Variants in DBF4 observed in about 807,000 individuals in gnomAD.
DBF4 encodes DBF4-CDC7 kinase regulatory subunit.
In DBF4, 25 loss-of-function variants were observed where a neutral mutation model predicts 76.6. The observed-to-expected ratio is 0.33, with a 90% CI of 0.24 to 0.46. DBF4 has a LOEUF of 0.46. Among genes scored for constraint, DBF4 ranks in the 20% least tolerant of loss-of-function variants. The probability of loss-of-function intolerance (pLI) is 1.00; values close to 1 mark genes in which losing one functional copy is unlikely to be tolerated. For missense variants in DBF4, 638 were observed against 760.8 expected (o/e 0.84, Z 1.90); for synonymous variants, 213 against 258.0 (o/e 0.83, Z 1.67).
intron 1 of DBF4, among the ~76,000 whole-genome samples, chr7:87,877,425 A>C (rs957964252): frequency 1.3e-5 from 2 of 152,192 alleles, no homozygotes; most frequent in African/African-American, 4.8e-5. Flanking sequence ...TTAAGAACAG[A>C]TTGCGTTTGA....
intron 9 of DBF4, among the ~76,000 whole-genome samples, 168 bp downstream of exon 9, chr7:87,900,517 G>A (rs992536901): frequency 6.6e-6 from 1 of 151,074 alleles, no homozygotes; most frequent in African/African-American, 2.4e-5. Context: ...GGTGGGGAGG[G>A]CCTTAAAATA....
At chr7:87,906,302 C>T (rs1839912912) in intron 11 of DBF4, among the ~76,000 whole-genome samples, 1 of 150,080 alleles carries the variant, frequency 6.7e-6, no homozygotes, top group Admixed American at 6.7e-5. Context: ...ACATCTTGGA[C>T]TTAAAAGCCA....
chr7:87,884,173 A>G lies in DBF4; in HGVS notation c.220-806A>G, dbSNP rs188390507. ...TTGATTTAGACTTGTATTGTCTGCT[A>G]TGGTAACCATTAGTGATATGTGGCT... On this transcript the variant is annotated intron_variant, in intron 2 of 11. Coordinates refer to ENST00000265728, the MANE Select transcript of DBF4 (RefSeq NM_006716.4). Among the ~76,000 whole-genome samples, 17 of 152,306 alleles carry G rather than the reference A, an allele frequency of 1.1e-4. No individual in the cohort carries two copies. The East Asian group carries it at 1.9e-3, about 17-fold the overall frequency.
At chr7:87,901,608 T>C (rs1214573487) in intron 10 of DBF4, among the ~76,000 whole-genome samples, 1 of 152,082 alleles carries the variant, frequency 6.6e-6, no homozygotes, top group Non-Finnish European at 1.5e-5. Context: ...TAAAGACCAT[T>C]GAGGTAGCAG....
intron 3 of DBF4, 51 bp downstream of exon 3, chr7:87,885,209 TCTC>T: frequency 2.1e-6 from 3 of 1,456,748 alleles, no homozygotes; most frequent in Middle Eastern, 1.8e-4. Context: ...ATCCTGAAGA[TCTC>T]CTGGTTTTTA....
At chr7:87,907,070 A>G (rs1347832226) in intron 11 of DBF4, 118 bp from the exon 12 acceptor site, 2 of 1,087,706 alleles carry the variant, frequency 1.8e-6, no homozygotes, top group African/African-American at 1.6e-5. Flanking sequence ...AAAATTTCCT[A>G]AGTTAAATAG....
chr7:87,895,210 A>G (rs558036864), intron 6 of DBF4, among the ~76,000 whole-genome samples: 4 of 152,102 alleles, frequency 2.6e-5, no homozygotes, highest in Admixed American at 1.3e-4. Context: ...TTTCAGTCCT[A>G]TTATTTTTGT....
intron 6 of DBF4, among the ~76,000 whole-genome samples, chr7:87,892,400 A>G (rs1051765437): frequency 1.3e-5 from 2 of 152,142 alleles, no homozygotes; most frequent in African/African-American, 4.8e-5. Flanking sequence ...AGGTTCCTCC[A>G]TGTCTTTTCA....
chr7:87,887,014 ATATATTT>A (rs1839372337), intron 4 of DBF4, 120 bp downstream of exon 4: 3 of 691,132 alleles, frequency 4.3e-6, no homozygotes, highest in Non-Finnish European at 7.2e-6. Context: ...GAATCTCAGC[ATATATTT>A]TATTTTACAA....
intron 10 of DBF4, among the ~76,000 whole-genome samples, chr7:87,901,764 C>T (rs1273798367): frequency 6.6e-6 from 1 of 152,148 alleles, no homozygotes; most frequent in African/African-American, 2.4e-5. Context: ...CAGTGTTTGG[C>T]ACATAGTAAG....
At position 87,885,195 on chromosome 7, in the gene DBF4, C is replaced by T; in HGVS notation, c.399+37C>T. ...AAATATGCTTTGAGACTCAGAAGGG[C>T]TATATCCTGAAGATCTCCTGGTTTT... On this transcript the variant is annotated intron_variant, in intron 3 of 11. Transcript: ENST00000265728. The T allele has an allele frequency of 2.0e-6, 3 of 1,512,752 alleles. No homozygotes were observed. In the East Asian group the frequency reaches 6.9e-5, roughly 35 times the overall value. 93.7% of individuals were successfully genotyped at this position (1,512,752 alleles called of 1,614,324 possible).
intron 10 of DBF4, among the ~76,000 whole-genome samples, chr7:87,901,390 T>C (rs1275708603): frequency 2.0e-5 from 3 of 152,080 alleles, no homozygotes; most frequent in East Asian, 1.9e-4. Context: ...GGAATAGATA[T>C]TGATAGTCCA....
intron 10 of DBF4, among the ~76,000 whole-genome samples, chr7:87,902,714 T>C (rs180685243): frequency 1.3e-5 from 2 of 152,354 alleles, no homozygotes; most frequent in Admixed American, 1.3e-4. Flanking sequence ...AATCTGAGCT[T>C]ACAAGATTTG....
rs1839978237 is a variant in DBF4 at position 87,908,965 on chromosome 7, GCTACTCCCT to G, written c.*804_*812del. On this transcript the variant is annotated 3_prime_UTR_variant, in exon 12 of 12. Coordinates refer to ENST00000265728, the MANE Select transcript of DBF4 (RefSeq NM_006716.4). Reference sequence around the variant, plus strand: ...ATGGCGGCATGCGCCTGTAGTCCCAGCTACTCCCTCCAGAGGCTGAGAATTGCTTGAACC... The same window carrying G: ...ATGGCGGCATGCGCCTGTAGTCCCAGCCAGAGGCTGAGAATTGCTTGAACC... The G allele has an allele frequency of 6.6e-6, 1 of 152,194 alleles. No individual in the cohort carries two copies. Among genetic ancestry groups the G allele is most frequent in the African/African-American group, 2.4e-5 (1 of 41,412 alleles). The allele number at this position is 152,194 out of a possible 1,614,324, so 9.4% of individuals were successfully genotyped here.
chr7:87,885,230 G>A, intron 3 of DBF4, 72 bp downstream of exon 3: 1 of 1,298,264 alleles, frequency 7.7e-7, no homozygotes, highest in Non-Finnish European at 1.1e-6. Flanking sequence ...TTAATAGCAA[G>A]GTGGCAGTAG....
intron 11 of DBF4, among the ~76,000 whole-genome samples, chr7:87,906,274 T>G (rs1426222290): frequency 6.6e-6 from 1 of 152,056 alleles, no homozygotes; most frequent in Non-Finnish European, 1.5e-5. Context: ...TTGTCACTTC[T>G]GTGGGCAAGT....
In DBF4 at chr7:87,884,970, C is replaced by T; in HGVS notation, c.220-9C>T. 1.9e-6 allele frequency: 3 copies of T among 1,587,948 alleles called. No homozygotes were observed. The highest frequency in any genetic ancestry group is 2.6e-6 in the Non-Finnish European group (3 of 1,160,966). ...AATTTATAAATAAAAATACTTTGTT[C>T]TCTTCTAGCGAGTTGAAGAATTTCT... On this transcript the variant is annotated splice_polypyrimidine_tract_variant and intron_variant, in intron 2 of 11. Transcript: ENST00000265728.
chr7:87,897,235 TAAAA>T, intron 7 of DBF4, 55 bp from the exon 8 acceptor site: 1 of 1,315,604 alleles, frequency 7.6e-7, no homozygotes, highest in Non-Finnish European at 1.0e-6. Context: ...GTAGTTTTAT[TAAAA>T]AAAAAAAAGA....
At chr7:87,897,685 C>T (rs1340541503) in intron 8 of DBF4, among the ~76,000 whole-genome samples, 1 of 152,116 alleles carries the variant, frequency 6.6e-6, no homozygotes, top group Non-Finnish European at 1.5e-5. Flanking sequence ...TTATTAGATG[C>T]TATTTAGAAA....
Sources: gnomAD v4.1 joint callset for allele counts (sites outside exome capture counted in the v4.1 genomes callset) on GRCh38, gnomAD v4.1.1 for gene constraint, MANE v1.5 for transcripts, NCBI Gene and HGNC (gene_info 2026-07-23, HGNC 2026-07-21) for gene names.